JAZF1: variants seen among roughly 807,000 people sequenced by gnomAD.
JAZF1 encodes the protein JAZF zinc finger 1.
JAZF1 carries 8 observed loss-of-function variants against 26.4 expected under a neutral mutation model. The observed-to-expected ratio is 0.30, with a 90% CI of 0.18 to 0.55. JAZF1 has a LOEUF of 0.55. Ranked by LOEUF, JAZF1 falls within the 20% of genes least tolerant of loss-of-function variation. JAZF1 has a pLI of 0.94. For missense variants in JAZF1, 199 were observed against 322.0 expected (o/e 0.62, Z 2.92); for synonymous variants, 126 against 122.3 (o/e 1.03, Z -0.20).
chr7:27,917,794 T>C (rs1784466960), intron 2 of JAZF1, among the ~76,000 whole-genome samples: 1 of 152,236 alleles, frequency 6.6e-6, no homozygotes, highest in South Asian at 2.1e-4. Flanking sequence ...GAGATTTTCA[T>C]GCTATGACAA....
In JAZF1 at chr7:28,034,200, A is replaced by G. The variant is rs186972322; in HGVS notation, c.116-42219T>C. On this transcript the variant is annotated intron_variant, in intron 1 of 4. Coordinates refer to ENST00000283928, the MANE Select transcript of JAZF1 (RefSeq NM_175061.4). The stretch of plus-strand genomic sequence containing the variant: ...TCTACTGATCCCAGGCAAAACACAC[A>G]CATGCACACACACACACGAAGTTTA... Among the ~76,000 whole-genome samples the G allele has an allele frequency of 7.4e-4, 112 of 152,240 alleles. No homozygotes were observed. The Middle Eastern group carries it at 0.014, about 18-fold the overall frequency.
chr7:28,077,509 CT>C (rs1001806439), intron 1 of JAZF1, among the ~76,000 whole-genome samples: 16 of 147,572 alleles, frequency 1.1e-4, no homozygotes, highest in East Asian at 2.0e-4. Flanking sequence ...CTACTGGAGC[CT>C]TTTTTTTTTC....
At chr7:27,835,656 T>C (rs1477162598) in intron 4 of JAZF1, among the ~76,000 whole-genome samples, 2 of 152,182 alleles carry the variant, frequency 1.3e-5, no homozygotes, top group Non-Finnish European at 2.9e-5. Context: ...TTATCGCAAA[T>C]GTTAGTACAA....
intron 2 of JAZF1, among the ~76,000 whole-genome samples, chr7:27,899,718 G>A (rs749089823): frequency 5.3e-5 from 8 of 152,112 alleles, no homozygotes; most frequent in East Asian, 1.9e-4. Context: ...GAGCCACTGC[G>A]CCTGACTCAC....
intron 1 of JAZF1, among the ~76,000 whole-genome samples, chr7:28,072,698 G>A (rs1291504897): frequency 6.6e-6 from 1 of 152,170 alleles, no homozygotes; most frequent in Admixed American, 6.5e-5. Flanking sequence ...CGTTTTAGAA[G>A]GAAAGATATA....
At chr7:28,097,290 A>G (rs1017598225) in intron 1 of JAZF1, among the ~76,000 whole-genome samples, 1 of 152,222 alleles carries the variant, frequency 6.6e-6, no homozygotes, top group Admixed American at 6.5e-5. Flanking sequence ...TTCTAAGTAC[A>G]GACTTTTTTT....
chr7:28,151,195 C>T (rs1438685461), intron 1 of JAZF1, among the ~76,000 whole-genome samples: 2 of 151,686 alleles, frequency 1.3e-5, no homozygotes, highest in African/African-American at 4.8e-5. Context: ...CCTCCACCTC[C>T]CGGGTTCAAG....
At chr7:27,975,187 G>A (rs1489202348) in intron 2 of JAZF1, among the ~76,000 whole-genome samples, 1 of 151,974 alleles carries the variant, frequency 6.6e-6, no homozygotes, top group Non-Finnish European at 1.5e-5. Context: ...GTCGGGCCAG[G>A]GAGCTTTTAT....
At chr7:27,857,427 T>C (rs576595360) in intron 3 of JAZF1, among the ~76,000 whole-genome samples, 2 of 152,264 alleles carry the variant, frequency 1.3e-5, no homozygotes, top group Non-Finnish European at 2.9e-5. Context: ...GGAAGCTGGC[T>C]CTGGCCTTGG....
At chr7:27,901,192 G>C (rs1345591195) in intron 2 of JAZF1, among the ~76,000 whole-genome samples, 1 of 152,130 alleles carries the variant, frequency 6.6e-6, no homozygotes, top group Non-Finnish European at 1.5e-5. Flanking sequence ...ACTGCTGTAA[G>C]ATTAATTTCA....
At chr7:27,834,796 T>A (rs1782773954) in intron 4 of JAZF1, among the ~76,000 whole-genome samples, 1 of 152,218 alleles carries the variant, frequency 6.6e-6, no homozygotes, top group Non-Finnish European at 1.5e-5. Flanking sequence ...AGCAACTGCA[T>A]GAGACCCCAG....
Position 27,832,153 on chromosome 7 carries a change from G to A in JAZF1, c.*647C>T, listed in dbSNP as rs1463872054. On this transcript the variant is annotated 3_prime_UTR_variant, in exon 5 of 5. Transcript: ENST00000283928. ...CACTAAAATGACTAGTAAGTCAGAT[G>A]GCAAGATTTTCAGCTTTTTAAAGGG... is the stretch of plus-strand genomic sequence containing the variant. 2 of 212,852 alleles carry A rather than the reference G, an allele frequency of 9.4e-6. No homozygotes were observed. The highest frequency in any genetic ancestry group is 1.9e-5 in the Non-Finnish European group (2 of 105,166). The allele number at this position is 212,852 out of a possible 1,614,324, so 13.2% of individuals were successfully genotyped here. A position where few individuals can be genotyped will look rare whatever the true frequency, so the allele number is the denominator to read the frequency against.
At position 27,832,227 on chromosome 7, in the gene JAZF1, T is replaced by G; in HGVS notation, c.*573A>C. The G allele has an allele frequency of 4.7e-6, 1 of 211,804 alleles. No homozygotes were observed. The allele number at this position is 211,804 out of a possible 1,614,324, so 13.1% of individuals were successfully genotyped here. A position where few individuals can be genotyped will look rare whatever the true frequency, so the allele number is the denominator to read the frequency against. On this transcript the variant is annotated 3_prime_UTR_variant, in exon 5 of 5. Coordinates refer to ENST00000283928, the MANE Select transcript of JAZF1 (RefSeq NM_175061.4). ...AAAACACAGAAAGCACACCTTTACG[T>G]ATGTTATTTAAATATGAAAATATTT... is the stretch of plus-strand genomic sequence containing the variant.
At chr7:28,168,460 T>A (rs1408601934) in intron 1 of JAZF1, among the ~76,000 whole-genome samples, 1 of 142,946 alleles carries the variant, frequency 7.0e-6, no homozygotes, top group Non-Finnish European at 1.5e-5. Flanking sequence ...ATAATAATAA[T>A]AAATAAAAGC....
chr7:28,115,548 G>A (rs1784728456), intron 1 of JAZF1, among the ~76,000 whole-genome samples: 1 of 152,190 alleles, frequency 6.6e-6, no homozygotes, highest in South Asian at 2.1e-4. Context: ...AACAAGAAAT[G>A]ATAAAAGCTC....
At chr7:27,847,156 T>C (rs1042230745) in intron 3 of JAZF1, among the ~76,000 whole-genome samples, 17 of 73,692 alleles carry the variant, frequency 2.3e-4, no homozygotes, top group Admixed American at 4.5e-4. Flanking sequence ...TTTTTCTTTT[T>C]TTTTTTTTTT....
chr7:28,146,195 T>G (rs1783024987), intron 1 of JAZF1, among the ~76,000 whole-genome samples: 1 of 152,198 alleles, frequency 6.6e-6, no homozygotes, highest in South Asian at 2.1e-4. Flanking sequence ...GAGTTGGAAA[T>G]GCCTAGCCAT....
At chr7:28,125,196 A>T (rs1180703850) in intron 1 of JAZF1, among the ~76,000 whole-genome samples, 1 of 151,828 alleles carries the variant, frequency 6.6e-6, no homozygotes, top group Non-Finnish European at 1.5e-5. Context: ...CTTCACAAAA[A>T]TATTATTTAA....
At chr7:28,110,749 G>A (rs1010916628) in intron 1 of JAZF1, among the ~76,000 whole-genome samples, 2 of 152,106 alleles carry the variant, frequency 1.3e-5, no homozygotes, top group African/African-American at 2.4e-5. Flanking sequence ...TGAATGGGAC[G>A]GTGCTTTCTG....
Sources: gnomAD v4.1 joint callset for allele counts (sites outside exome capture counted in the v4.1 genomes callset) on GRCh38, gnomAD v4.1.1 for gene constraint, MANE v1.5 for transcripts, NCBI Gene and HGNC (gene_info 2026-07-23, HGNC 2026-07-21) for gene names.